The following SPECC1 variants were observed in gnomAD, a reference collection of about 807,000 sequenced individuals.
The protein encoded by SPECC1 is sperm antigen with calponin homology and coiled-coil domains 1, also known as cytospin-B.
In SPECC1, 62 loss-of-function variants were observed where a neutral mutation model predicts 104.1. That is an observed-to-expected ratio of 0.60 (90% CI 0.49 to 0.74). The LOEUF is 0.74. SPECC1 is among the 30% of genes least tolerant of loss of function. The pLI is 0.00. For synonymous variants in SPECC1, 513 were observed against 501.6 expected (o/e 1.02, Z -0.30); for missense variants, 1,306 against 1,310.5 (o/e 1.00, Z 0.05).
rs375386351 is a variant in SPECC1, at chr17:20,205,848, A to G, written c.1799A>G (p.Glu600Gly). ...GATCTACTGGAACTGTCTTGCAATGAGCTCAGACAAGAATTACTAAAGGCA... is the reference window on the plus strand; with the variant it reads ...GATCTACTGGAACTGTCTTGCAATGGGCTCAGACAAGAATTACTAAAGGCA... ...EKDLLELSCN[E>G]LRQELLKANG... The change falls in exon 4 of 15, where the codon GAG becomes GGG. Residue 600 changes from glutamate to glycine, a missense_variant. This residue lies in a region of SPECC1 where 1,177 missense variants were observed against 1,139.9 expected (regional missense o/e 1.03). Coordinates refer to ENST00000395527, the MANE Select transcript of SPECC1 (RefSeq NM_001243439.2). 1.6e-4 allele frequency: 264 copies of G among 1,614,104 alleles called. No homozygotes were observed. The highest frequency in any genetic ancestry group is 1.8e-4 in the Non-Finnish European group (218 of 1,180,008).
At chr17:20,079,938 C>T (rs2046901443) in intron 1 of SPECC1, among the ~76,000 whole-genome samples, 1 of 152,144 alleles carries the variant, frequency 6.6e-6, no homozygotes, top group Non-Finnish European at 1.5e-5. Context: ...CCCATTCCAT[C>T]CCTTTCTCCG....
intron 10 of SPECC1, among the ~76,000 whole-genome samples, chr17:20,253,896 G>T (rs1567986478): frequency 6.6e-6 from 1 of 151,802 alleles, no homozygotes; most frequent in Non-Finnish European, 1.5e-5. Flanking sequence ...CAAACTCCTG[G>T]TCTCAAGTGA....
At chr17:20,030,217 T>TA (rs138344152) in intron 1 of SPECC1, among the ~76,000 whole-genome samples, 10,515 of 152,254 alleles carry the variant, frequency 0.069, 986 homozygotes, top group African/African-American at 0.21. Context: ...TTATGTGAGT[T>TA]ACTTTTTAGT....
At chr17:20,098,702 A>G (rs1334999376) in intron 2 of SPECC1, among the ~76,000 whole-genome samples, 1 of 152,144 alleles carries the variant, frequency 6.6e-6, no homozygotes, top group Non-Finnish European at 1.5e-5. Context: ...CTCTGCCCGG[A>G]AAGCACCTGG....
chr17:20,289,732 C>T (rs774376888), intron 12 of SPECC1, among the ~76,000 whole-genome samples: 1 of 152,172 alleles, frequency 6.6e-6, no homozygotes, highest in Non-Finnish European at 1.5e-5. Flanking sequence ...GCTCCTGATG[C>T]TCAGCTAGAA....
chr17:20,181,319 A>G (rs1045169635), intron 3 of SPECC1, among the ~76,000 whole-genome samples: 4 of 152,158 alleles, frequency 2.6e-5, no homozygotes, highest in African/African-American at 7.2e-5. Flanking sequence ...TGAAATAGAA[A>G]ATAAAATGGT....
At chr17:20,019,527 G>C (rs1019214063) in intron 1 of SPECC1, among the ~76,000 whole-genome samples, 1 of 152,110 alleles carries the variant, frequency 6.6e-6, no homozygotes, top group African/African-American at 2.4e-5. Flanking sequence ...AGCACAGAGG[G>C]ACTACTCAAC....
rs377536150 is a variant in SPECC1 at position 20,175,636 on chromosome 17, A to G, written c.284-28697A>G. Among the ~76,000 whole-genome samples, 6 of 152,340 alleles carry G rather than the reference A, an allele frequency of 3.9e-5. No individual in the cohort carries two copies. In the East Asian group the frequency reaches 5.8e-4, roughly 15 times the overall value. Reference sequence around the variant, plus strand: ...TGTGACATTTTCCCTTTTAACAAAGATGTTTTTCTTTAAACATCTTACTGA... The same window carrying G: ...TGTGACATTTTCCCTTTTAACAAAGGTGTTTTTCTTTAAACATCTTACTGA... On this transcript the variant is annotated intron_variant, in intron 3 of 14. Coordinates refer to ENST00000395527, the MANE Select transcript of SPECC1 (RefSeq NM_001243439.2).
intron 13 of SPECC1, among the ~76,000 whole-genome samples, chr17:20,304,935 C>A (rs2041714594): frequency 6.6e-6 from 1 of 152,012 alleles, no homozygotes; most frequent in East Asian, 1.9e-4. Context: ...GAAGGAGGCA[C>A]AAAGCCCCCC....
At chr17:20,283,669 C>T (rs1386256038) in intron 12 of SPECC1, among the ~76,000 whole-genome samples, 2 of 152,172 alleles carry the variant, frequency 1.3e-5, no homozygotes, top group Non-Finnish European at 2.9e-5. Context: ...TCACCTCAAC[C>T]TCTGCCTCCT....
At chr17:20,102,795 T>C (rs1396891803) in intron 2 of SPECC1, among the ~76,000 whole-genome samples, 1 of 152,168 alleles carries the variant, frequency 6.6e-6, no homozygotes, top group Non-Finnish European at 1.5e-5. Flanking sequence ...TCCTCCTCCT[T>C]GCCTTAATTT....
intron 3 of SPECC1, among the ~76,000 whole-genome samples, chr17:20,122,775 C>T (rs2049101578): frequency 6.6e-6 from 1 of 152,186 alleles, no homozygotes; most frequent in Admixed American, 6.5e-5. Context: ...GCATAATATC[C>T]TCAAGGTACA....
At position 20,205,294 on chromosome 17, in the gene SPECC1, G is replaced by C; in HGVS notation, c.1245G>C (p.Leu415=). The C allele has an allele frequency of 6.2e-7, 1 of 1,614,216 alleles. No homozygotes were observed. Among genetic ancestry groups the C allele is most frequent in the African/African-American group, 1.3e-5 (1 of 75,056 alleles). The change falls in exon 4 of 15, where the codon CTG becomes CTC. Residue 415 remains leucine (L), a synonymous_variant. Transcript: ENST00000395527. ...AATTGACAGCTGAAAATGAGAAGCT[G>C]GTGGATGAAAAGACGATTTTAGAGA... is the stretch of plus-strand genomic sequence containing the variant. ...VQELTAENEK[L]VDEKTILETS... is the part of the protein sequence containing the mutation.
At chr17:20,211,836 C>T (rs2037171871) in intron 4 of SPECC1, among the ~76,000 whole-genome samples, 1 of 152,220 alleles carries the variant, frequency 6.6e-6, no homozygotes, top group African/African-American at 2.4e-5. Flanking sequence ...ACCCTGCTTC[C>T]CTGCGATGGA....
chr17:20,264,692 G>A (rs190392966), intron 12 of SPECC1, among the ~76,000 whole-genome samples: 315 of 151,810 alleles, frequency 2.1e-3, no homozygotes, highest in Non-Finnish European at 3.7e-3. Context: ...GGCTGGTCTC[G>A]AACTCCTGAC....
intron 3 of SPECC1, chr17:20,111,712 G>A: frequency 3.1e-6 from 2 of 636,062 alleles, no homozygotes; most frequent in Admixed American, 4.6e-5. Flanking sequence ...GTGGCGAAAG[G>A]AGGCGAATCC....
At chr17:20,305,936 A>G (rs1027641034) in intron 13 of SPECC1, 87 bp from the exon 14 acceptor site, 9 of 1,151,230 alleles carry the variant, frequency 7.8e-6, no homozygotes, top group African/African-American at 3.1e-5. Flanking sequence ...TGAATAATCT[A>G]TATGGGAATA....
Position 20,306,010 on chromosome 17 carries a change from C to G in SPECC1, c.3058-13C>G. ...AAATTACTGATTCCAGTCTCTTTGT[C>G]TTTTTAACTTAGAAGAGGAATCTCT... On this transcript the variant is annotated splice_polypyrimidine_tract_variant and intron_variant, in intron 13 of 14. Transcript: ENST00000395527. The G allele has an allele frequency of 1.2e-6, 2 of 1,612,718 alleles. No individual in the cohort carries two copies. The highest frequency in any genetic ancestry group is 1.7e-4 in the Middle Eastern group (1 of 6,056).
chr17:20,029,025 G>C (rs1356613573), intron 1 of SPECC1, among the ~76,000 whole-genome samples: 1 of 152,156 alleles, frequency 6.6e-6, no homozygotes, highest in Non-Finnish European at 1.5e-5. Context: ...GCCTCCCAAA[G>C]TGCTGGGATT....
Sources: allele counts gnomAD v4.1 joint callset (sites outside exome capture counted in the v4.1 genomes callset), GRCh38; gene constraint gnomAD v4.1.1; regional missense constraint gnomAD v4.1.1; transcripts MANE v1.5; gene names NCBI Gene and HGNC (gene_info 2026-07-23, HGNC 2026-07-21).